CHRM3: variants seen among roughly 807,000 people sequenced by gnomAD.
CHRM3 encodes cholinergic receptor muscarinic 3, also known as muscarinic acetylcholine receptor M3.
Under a neutral mutation model 41.8 loss-of-function variants are expected in CHRM3, and 11 were observed. The observed-to-expected ratio is 0.26, with a 90% CI of 0.17 to 0.44. The LOEUF is 0.44. CHRM3 is among the 20% of genes least tolerant of loss of function. The probability of loss-of-function intolerance (pLI) is 1.00; values close to 1 mark genes in which losing one functional copy is unlikely to be tolerated. For synonymous variants in CHRM3, 297 were observed against 301.4 expected (o/e 0.99, Z 0.15); for missense variants, 571 against 745.4 (o/e 0.77, Z 2.72).
Position 239,545,756 on chromosome 1 carries a change from A to AT in CHRM3, c.-313+14dup, listed in dbSNP as rs1323198843. On this transcript the variant is annotated splice_region_variant and intron_variant, in intron 3 of 6. Coordinates refer to ENST00000676153, the MANE Select transcript of CHRM3 (RefSeq NM_001375978.1). ...GAACCAAGTCTCTTCACTAGTAGGT[A>AT]TTTTTTTAATTAATATCATGTACAC... 2 of 152,198 alleles carry AT rather than the reference A, an allele frequency of 1.3e-5. No homozygotes were observed. The highest frequency in any genetic ancestry group is 2.9e-5 in the Non-Finnish European group (2 of 67,996). The allele number at this position is 152,198 out of a possible 1,614,324, so 9.4% of individuals were successfully genotyped here.
chr1:239,598,794 T>G (rs1665124443), intron 3 of CHRM3, among the ~76,000 whole-genome samples: 1 of 152,142 alleles, frequency 6.6e-6, no homozygotes, highest in Non-Finnish European at 1.5e-5. Flanking sequence ...TTTTTCCAAA[T>G]TTGGGAATAT....
chr1:239,464,575 G>A (rs1186603583), intron 1 of CHRM3, among the ~76,000 whole-genome samples: 3 of 152,148 alleles, frequency 2.0e-5, no homozygotes. Context: ...TTTACTTCTA[G>A]GTGTGATGGA....
intron 6 of CHRM3, among the ~76,000 whole-genome samples, chr1:239,858,456 C>T (rs1187636847): frequency 1.3e-5 from 2 of 150,244 alleles, no homozygotes; most frequent in African/African-American, 2.5e-5. Flanking sequence ...TTGGTTTTTC[C>T]TCTAACTACC....
intron 2 of CHRM3, among the ~76,000 whole-genome samples, chr1:239,532,800 A>G (rs927377319): frequency 1.3e-5 from 2 of 152,204 alleles, no homozygotes; most frequent in African/African-American, 2.4e-5. Context: ...AATCTCTCCT[A>G]TAAATCTATG....
At chr1:239,637,917 C>T (rs1247677345) in intron 4 of CHRM3, among the ~76,000 whole-genome samples, 1 of 100,636 alleles carries the variant, frequency 9.9e-6, no homozygotes, top group Non-Finnish European at 1.9e-5. Flanking sequence ...CCCCCCTCCC[C>T]CCACCCCACA....
At chr1:239,653,700 A>G (rs1405774781) in intron 4 of CHRM3, among the ~76,000 whole-genome samples, 4 of 152,216 alleles carry the variant, frequency 2.6e-5, no homozygotes, top group Non-Finnish European at 5.9e-5. Context: ...CAAGATAAAA[A>G]TCAGACAAGT....
chr1:239,694,658 G>T (rs1459792340), intron 5 of CHRM3, among the ~76,000 whole-genome samples: 1 of 151,942 alleles, frequency 6.6e-6, no homozygotes, highest in African/African-American at 2.4e-5. Flanking sequence ...AAAATCAAAG[G>T]GATTAAAATG....
At chr1:239,503,736 G>T (rs954110255) in intron 2 of CHRM3, among the ~76,000 whole-genome samples, 1 of 152,120 alleles carries the variant, frequency 6.6e-6, no homozygotes, top group African/African-American at 2.4e-5. Flanking sequence ...CAAAGGAACA[G>T]AATAGAGAAC....
At chr1:239,899,634 ATAAG>A (rs1485548126) in intron 6 of CHRM3, 1 of 152,038 alleles carries the variant, frequency 6.6e-6, no homozygotes, top group Non-Finnish European at 1.5e-5. Flanking sequence ...TACATTGTAT[ATAAG>A]TAAGTATACT....
At chr1:239,438,999 C>CA in intron 1 of CHRM3, among the ~76,000 whole-genome samples, 1 of 152,278 alleles carries the variant, frequency 6.6e-6, no homozygotes, top group East Asian at 1.9e-4. Flanking sequence ...AATAATTCCC[C>CA]TCCTGAGCAG....
At chr1:239,389,223 T>C (rs568654851) in intron 1 of CHRM3, among the ~76,000 whole-genome samples, 85 of 152,304 alleles carry the variant, frequency 5.6e-4, no homozygotes, top group Middle Eastern at 3.4e-3. Flanking sequence ...AAATGTGGAA[T>C]TGGTCAAGTT....
intron 5 of CHRM3, among the ~76,000 whole-genome samples, chr1:239,791,104 T>C (rs1558125546): frequency 6.6e-6 from 1 of 151,968 alleles, no homozygotes; most frequent in Non-Finnish European, 1.5e-5. Context: ...TCTTTATTTT[T>C]GTTTATTCAT....
At chr1:239,693,908 C>G (rs1438802347) in intron 5 of CHRM3, among the ~76,000 whole-genome samples, 3 of 151,980 alleles carry the variant, frequency 2.0e-5, no homozygotes, top group Non-Finnish European at 2.9e-5. Flanking sequence ...GCTTATTTTT[C>G]CAATATGAAT....
chr1:239,898,676 C>T (rs374314187), intron 6 of CHRM3, among the ~76,000 whole-genome samples: 26 of 152,150 alleles, frequency 1.7e-4, no homozygotes, highest in East Asian at 1.2e-3. Context: ...AAATCGAGAG[C>T]CCTCAAACAT....
chr1:239,696,054 G>T (rs1278108111), intron 5 of CHRM3, among the ~76,000 whole-genome samples: 1 of 152,124 alleles, frequency 6.6e-6, no homozygotes, highest in Non-Finnish European at 1.5e-5. Context: ...TTACAATACA[G>T]AGAACATGTA....
intron 1 of CHRM3, among the ~76,000 whole-genome samples, chr1:239,437,629 C>T (rs890887488): frequency 2.6e-5 from 4 of 152,198 alleles, no homozygotes; most frequent in East Asian, 1.9e-4. Context: ...CTCTGCCTCC[C>T]GAGTTCAAGC....
chr1:239,578,782 C>T (rs968807833), intron 3 of CHRM3, among the ~76,000 whole-genome samples: 4 of 152,134 alleles, frequency 2.6e-5, no homozygotes, highest in Non-Finnish European at 4.4e-5. Flanking sequence ...GGACTCCACC[C>T]GGTCCCCAAC....
chr1:239,889,957 A>T (rs1435326038), intron 6 of CHRM3, among the ~76,000 whole-genome samples: 2 of 152,196 alleles, frequency 1.3e-5, no homozygotes, highest in East Asian at 3.9e-4. Flanking sequence ...CTGGAAATGT[A>T]TGAACATAAC....
At chr1:239,449,744 G>T (rs1444188747) in intron 1 of CHRM3, among the ~76,000 whole-genome samples, 2 of 150,414 alleles carry the variant, frequency 1.3e-5, no homozygotes, top group Non-Finnish European at 2.9e-5. Context: ...GTGTGTGTGT[G>T]TGTGTGTGTG....
Sources: allele counts gnomAD v4.1 joint callset (sites outside exome capture counted in the v4.1 genomes callset), GRCh38; gene constraint gnomAD v4.1.1; transcripts MANE v1.5; gene names NCBI Gene and HGNC (gene_info 2026-07-23, HGNC 2026-07-21).